PPP2R5C: variants seen among roughly 807,000 people sequenced by gnomAD.
PPP2R5C encodes the protein serine/threonine-protein phosphatase 2A 56 kDa regulatory subunit gamma isoform.
Under a neutral mutation model 68.9 loss-of-function variants are expected in PPP2R5C, and 7 were observed. The observed-to-expected ratio is 0.10, with a 90% confidence interval of 0.06 to 0.19. PPP2R5C has a LOEUF of 0.19. Ranked by LOEUF, PPP2R5C falls within the 10% of genes least tolerant of loss-of-function variation. PPP2R5C has a pLI of 1.00. For missense variants in PPP2R5C, 348 were observed against 641.3 expected, an observed-to-expected ratio of 0.54 and a Z score of 4.94; for synonymous variants, 210 against 222.2, an observed-to-expected ratio of 0.95 and a Z score of 0.49.
upstream of PPP2R5C, among the ~76,000 whole-genome samples, chr14:101,761,134 C>G (rs947690883): frequency 2.0e-5 from 3 of 151,682 alleles, no homozygotes; most frequent in African/African-American, 7.3e-5. Flanking sequence ...GCGAAACTGC[C>G]GCTCGCTCGG....
chr14:101,824,093 AT>A lies in PPP2R5C; in HGVS notation c.94+14061del, dbSNP rs1195249762. On this transcript the variant is annotated intron_variant, in intron 1 of 13. Transcript: ENST00000334743. ...GACTCCAGGACTGACTTTCCACTTG[AT>A]TTTCGGAGCTCGCACATCCCGAGAG... 3.1e-6 allele frequency: 4 copies of A among 1,288,856 alleles called. No homozygotes were observed. In the African/African-American group the frequency reaches 6.1e-5, roughly 20 times the overall value. 79.8% of individuals were successfully genotyped at this position (1,288,856 alleles called of 1,614,324 possible). A position where few individuals can be genotyped will look rare whatever the true frequency, so the allele number is the denominator to read the frequency against.
chr14:101,865,816 CA>C (rs1162543913), intron 2 of PPP2R5C, among the ~76,000 whole-genome samples: 4 of 152,300 alleles, frequency 2.6e-5, no homozygotes, highest in South Asian at 2.1e-4. Context: ...GAATGCTTAC[CA>C]GGGGGACGCC....
chr14:101,769,638 T>C (rs1345540376), intron 2 of PPP2R5C, among the ~76,000 whole-genome samples: 2 of 152,176 alleles, frequency 1.3e-5, no homozygotes, highest in Non-Finnish European at 2.9e-5. Flanking sequence ...GGTACTTAGG[T>C]TTTTTTCTAA....
At chr14:101,812,381 T>C (rs1417877153) in intron 1 of PPP2R5C, among the ~76,000 whole-genome samples, 1 of 152,160 alleles carries the variant, frequency 6.6e-6, no homozygotes, top group East Asian at 1.9e-4. Context: ...GGCTGCACCC[T>C]GGGCTACCCT....
intron 3 of PPP2R5C, among the ~76,000 whole-genome samples, chr14:101,800,992 T>C (rs1278086974): frequency 1.3e-5 from 2 of 152,154 alleles, no homozygotes; most frequent in Non-Finnish European, 2.9e-5. Flanking sequence ...TACCATGTGA[T>C]CTTACTCATG....
At chr14:101,848,635 C>T (rs918202473) in intron 1 of PPP2R5C, among the ~76,000 whole-genome samples, 4 of 152,042 alleles carry the variant, frequency 2.6e-5, no homozygotes, top group African/African-American at 7.3e-5. Flanking sequence ...TAGAGGTCGT[C>T]GGTGTTGACG....
intron 1 of PPP2R5C, among the ~76,000 whole-genome samples, chr14:101,823,097 C>T (rs2040176332): frequency 1.3e-5 from 2 of 152,102 alleles, no homozygotes; most frequent in African/African-American, 4.8e-5. Flanking sequence ...ACCCCTAAAA[C>T]GATTTTGAAC....
chr14:101,879,783 A>G lies in PPP2R5C; in HGVS notation c.295-2378A>G, dbSNP rs1057062035. Among the ~76,000 whole-genome samples the G allele has an allele frequency of 2.6e-5, 4 of 151,834 alleles. No homozygotes were observed. Among genetic ancestry groups the G allele is most frequent in the African/African-American group, 7.3e-5 (3 of 41,280 alleles). On this transcript the variant is annotated intron_variant, in intron 2 of 13. Coordinates refer to ENST00000334743, the Ensembl canonical transcript of PPP2R5C. This position sits in a 1 kb window ranked among gnomAD's most constrained non-coding sequence, Gnocchi z 4.2. The stretch of plus-strand genomic sequence containing the variant: ...AGAAACCCCAGTTCACGAATGCCAC[A>G]CTCCCCGTAGGAGCTAAAGACTCAA...
In PPP2R5C at chr14:101,917,304, C is replaced by T. The variant is rs540550625; in HGVS notation, c.1327-527C>T. Among the ~76,000 whole-genome samples, 248 of 152,126 alleles carry T rather than the reference C, an allele frequency of 1.6e-3. No homozygotes were observed. Among genetic ancestry groups the T allele is most frequent in the Non-Finnish European group, 3.0e-3 (207 of 68,004 alleles). ...TTGTTTTGGTGGAGAGCAAGTCACC[C>T]GGGATGTGATGAGAGGGTTTCATAA... On this transcript the variant is annotated intron_variant, in intron 12 of 13. Transcript: ENST00000334743. The surrounding 1 kb of genome is among the most constrained non-coding windows in gnomAD (Gnocchi z 4.4).
chr14:101,927,475 C>A (rs2047327085), exon 14 of PPP2R5C: 1 of 152,588 alleles, frequency 6.6e-6, no homozygotes, highest in Admixed American at 6.5e-5. Flanking sequence ...AAACTGATTT[C>A]AAAAGTACTA....
rs1425557959 is a variant in PPP2R5C at position 101,917,930 on chromosome 14, A to G, written c.1426A>G (p.Lys476Glu). ...TGTGCAGATGCTGAGAAAGACAGTGAAGGACGAGGCTCATCAGGTAAAAGT... is the reference window on the plus strand; with the variant it reads ...TGTGCAGATGCTGAGAAAGACAGTGGAGGACGAGGCTCATCAGGTAAAAGT... Residue 476 changes from lysine (K) to glutamate (E), a missense_variant, in exon 13 of 14, where the codon AAG becomes GAG. This residue lies in a region of PPP2R5C where 118 missense variants were observed against 108.9 expected (regional missense o/e 1.08). Transcript: ENST00000334743. This position sits in a 1 kb window ranked among gnomAD's most constrained non-coding sequence, Gnocchi z 4.4. 2 of 1,613,872 alleles carry G rather than the reference A, an allele frequency of 1.2e-6. No homozygotes were observed. Among genetic ancestry groups the G allele is most frequent in the Non-Finnish European group, 1.7e-6 (2 of 1,179,844 alleles).
At chr14:101,908,702 A>G (rs1248409948) in intron 10 of PPP2R5C, among the ~76,000 whole-genome samples, 1 of 151,744 alleles carries the variant, frequency 6.6e-6, no homozygotes, top group African/African-American at 2.4e-5. Flanking sequence ...TTTAATCGCA[A>G]CAATGACAAC....
At chr14:101,907,858 A>G (rs1741138) in intron 10 of PPP2R5C, among the ~76,000 whole-genome samples, 30,658 of 152,126 alleles carry the variant, frequency 0.2, 4,333 homozygotes, top group African/African-American at 0.4. Flanking sequence ...TCCTTCCCAG[A>G]ATTCTGCAGG....
Position 101,797,300 on chromosome 14 carries a change from G to A in PPP2R5C, c.259+11117G>A, listed in dbSNP as rs762422697. 44 of 455,904 alleles carry A rather than the reference G, an allele frequency of 9.7e-5. No homozygotes were observed. Among genetic ancestry groups the A allele is most frequent in the Admixed American group, 2.1e-4 (9 of 42,548 alleles). The allele number at this position is 455,904 out of a possible 1,614,324, so 28.2% of individuals were successfully genotyped here. A position where few individuals can be genotyped will look rare whatever the true frequency, so the allele number is the denominator to read the frequency against. On this transcript the variant is annotated intron_variant, in intron 3 of 14. Transcript: ENST00000328724. This position sits in a 1 kb window ranked among gnomAD's most constrained non-coding sequence, Gnocchi z 4.2. ...TGATGTGTGGACGGACACATTCCGC[G>A]TATCCCCCAATCAGTGGATGGACGC...
At chr14:101,791,806 C>T (rs571789904) in intron 3 of PPP2R5C, among the ~76,000 whole-genome samples, 1 of 152,194 alleles carries the variant, frequency 6.6e-6, no homozygotes, top group South Asian at 2.1e-4. Flanking sequence ...GTAAACGCAG[C>T]TGTTTTATAG....
chr14:101,921,562 C>T (rs730572), intron 13 of PPP2R5C, among the ~76,000 whole-genome samples: 51,416 of 151,612 alleles, frequency 0.34, 13,139 homozygotes, highest in African/African-American at 0.72. Context: ...GCAGGAAAAA[C>T]GTGCACAATT....
chr14:101,906,592 CT>C lies in PPP2R5C; in HGVS notation c.1151+65del. 8 of 1,498,180 alleles carry C rather than the reference CT, an allele frequency of 5.3e-6. No homozygotes were observed. Among genetic ancestry groups the C allele is most frequent in the Non-Finnish European group, 7.2e-6 (8 of 1,107,652 alleles). 92.8% of individuals were successfully genotyped at this position (1,498,180 alleles called of 1,614,324 possible). ...TAAAATATGGCACGTTTTACTGCTA[CT>C]TCAGTAAGAATAAATATCAGAATTT... is the stretch of plus-strand genomic sequence containing the variant. On this transcript the variant is annotated intron_variant, in intron 10 of 13. Transcript: ENST00000334743. This position sits in a 1 kb window ranked among gnomAD's most constrained non-coding sequence, Gnocchi z 4.0.
chr14:101,810,107 A>G (rs2039264708), intron 1 of PPP2R5C: 3 of 1,402,436 alleles, frequency 2.1e-6, no homozygotes, highest in Non-Finnish European at 3.0e-6. Flanking sequence ...TGTGCTTCAG[A>G]TAAGAAAAGC....
At chr14:101,790,768 A>T (rs919526299) in intron 3 of PPP2R5C, among the ~76,000 whole-genome samples, 2 of 152,198 alleles carry the variant, frequency 1.3e-5, no homozygotes, top group African/African-American at 4.8e-5. Flanking sequence ...CTTGTGTGGT[A>T]AATTTATGTT....
Sources: allele counts gnomAD v4.1 joint callset (sites outside exome capture counted in the v4.1 genomes callset), GRCh38; gene constraint gnomAD v4.1.1; regional missense constraint gnomAD v4.1.1; non-coding constraint Gnocchi (gnomAD v3.1); transcripts MANE v1.5; gene names NCBI Gene and HGNC (gene_info 2026-07-23, HGNC 2026-07-21).